GNB5: variants seen among roughly 807,000 people sequenced by gnomAD.
GNB5 encodes G protein subunit beta 5, also known as guanine nucleotide-binding protein subunit beta-5.
A neutral mutation model predicts 55.3 loss-of-function variants in GNB5; 37 were observed. That is an observed-to-expected ratio of 0.67 (90% CI 0.51 to 0.88). The LOEUF is 0.88. GNB5 is among the 40% of genes least tolerant of loss of function. The pLI is 0.00. For missense variants in GNB5, 476 were observed against 515.3 expected, an observed-to-expected ratio of 0.92 and a Z score of 0.74; for synonymous variants, 219 against 198.5, an observed-to-expected ratio of 1.10 and a Z score of -0.87.
intron 3 of GNB5, among the ~76,000 whole-genome samples, chr15:52,167,054 T>C (rs549944586): frequency 6.6e-6 from 1 of 152,296 alleles, no homozygotes; most frequent in African/African-American, 2.4e-5. Flanking sequence ...AATACCTCTA[T>C]GCACATAAAC....
At chr15:52,140,012 G>C in intron 7 of GNB5, 1 of 1,178,700 alleles carries the variant, frequency 8.5e-7, no homozygotes, top group Non-Finnish European at 1.1e-6. Context: ...ACCAGTCAGT[G>C]GCCACAGCGC....
chr15:52,130,332 A>G (rs1820304391), intron 9 of GNB5, among the ~76,000 whole-genome samples: 1 of 152,212 alleles, frequency 6.6e-6, no homozygotes, highest in African/African-American at 2.4e-5. Flanking sequence ...TCGCCCTGGA[A>G]GAAAATCAAA....
At chr15:52,181,798 G>C (rs1309235380) in intron 2 of GNB5, among the ~76,000 whole-genome samples, 1 of 152,110 alleles carries the variant, frequency 6.6e-6, no homozygotes, top group Non-Finnish European at 1.5e-5. Context: ...CATAGTACTT[G>C]CATATGGTAG....
chr15:52,129,341 C>G (rs142659484), intron 9 of GNB5, among the ~76,000 whole-genome samples: 94 of 152,266 alleles, frequency 6.2e-4, no homozygotes, highest in African/African-American at 2.1e-3. Context: ...ATTATTTATT[C>G]CTCCTACCAG....
chr15:52,139,513 A>G, intron 7 of GNB5: 1 of 164,300 alleles, frequency 6.1e-6, no homozygotes, highest in Non-Finnish European at 1.3e-5. Flanking sequence ...GATATTTACC[A>G]GGGACTACAC....
chr15:52,125,860 T>C, intron 11 of GNB5, 88 bp downstream of exon 11: 1 of 667,050 alleles, frequency 1.5e-6, no homozygotes, highest in Non-Finnish European at 2.7e-6. Context: ...GCTCAGTTGA[T>C]GAAAAGGAAC....
At chr15:52,152,662 A>G (rs1364889963) in intron 4 of GNB5, among the ~76,000 whole-genome samples, 2 of 131,908 alleles carry the variant, frequency 1.5e-5, no homozygotes, top group East Asian at 4.6e-4. Flanking sequence ...ACAGGGTCTC[A>G]CTGTGTTGCC....
chr15:52,135,536 A>G (rs748537853), intron 8 of GNB5, 77 bp downstream of exon 8: 1 of 1,300,678 alleles, frequency 7.7e-7, no homozygotes, highest in Non-Finnish European at 1.1e-6. Flanking sequence ...GGCTAATCCC[A>G]TGAATGGACA....
At chr15:52,123,430 A>C (rs1407819425) in intron 12 of GNB5, 2 of 151,990 alleles carry the variant, frequency 1.3e-5, no homozygotes, top group Non-Finnish European at 2.9e-5. Context: ...GACCAAAAAA[A>C]CCTCATGCAT....
chr15:52,142,945 A>T (rs184014015), intron 6 of GNB5, among the ~76,000 whole-genome samples: 5 of 152,284 alleles, frequency 3.3e-5, no homozygotes, highest in Admixed American at 3.3e-4. Flanking sequence ...ACCTGAGGTC[A>T]GGAGTTCAAG....
chr15:52,160,863 G>A (rs1489046862), intron 3 of GNB5, among the ~76,000 whole-genome samples: 1 of 152,152 alleles, frequency 6.6e-6, no homozygotes, highest in Admixed American at 6.5e-5. Context: ...TATAATCTCT[G>A]AATCTCCTAC....
Position 52,179,867 on chromosome 15 carries a change from C to A in GNB5, c.139G>T (p.Gly47Trp). The change falls in exon 3 of 13, where the codon GGG becomes TGG. Residue 47 changes from glycine to tryptophan, a missense_variant. Transcript: ENST00000261837. ...GCCAGCGTCTCGTTCTCGTGCAGCC[C>A]CTCGGTTGCCATCTTCGCGCGGGGA... ...STCAEIMATEGLHENETLASL... is the reference protein window; with the variant it reads ...STCAEIMATEWLHENETLASL... The A allele has an allele frequency of 1.3e-6, 2 of 1,545,896 alleles. No individual in the cohort carries two copies. Among genetic ancestry groups the A allele is most frequent in the Non-Finnish European group, 1.7e-6 (2 of 1,147,290 alleles).
intron 3 of GNB5, among the ~76,000 whole-genome samples, chr15:52,160,601 AT>A (rs138394895): frequency 0.034 from 5,236 of 152,334 alleles, 318 homozygotes; most frequent in African/African-American, 0.12. Flanking sequence ...GTAAATGCAT[AT>A]TCATTAAAAA....
At chr15:52,143,936 G>A (rs2033914849) in intron 6 of GNB5, 2 of 152,196 alleles carry the variant, frequency 1.3e-5, no homozygotes, top group South Asian at 4.2e-4. Flanking sequence ...GCCACATTTT[G>A]AAAAATGCCT....
In GNB5 at chr15:52,149,911, G is replaced by C; in HGVS notation, c.390C>G (p.Ile130Met). ...IVSSSQDGKVIVWDSFTTNKE... is the reference protein window; with the variant it reads ...IVSSSQDGKVMVWDSFTTNKE... Reference sequence around the variant, plus strand: ...TGTTTGTGGTGAAGGAATCCCACACGATCACCTTCCCATCCTGGAGGGAGA... The same window carrying C: ...TGTTTGTGGTGAAGGAATCCCACACCATCACCTTCCCATCCTGGAGGGAGA... Residue 130 changes from isoleucine to methionine, a missense_variant, in exon 5 of 13, where the codon ATC (isoleucine) becomes ATG (methionine). Physicochemically the swap from Ile to Met is conservative, Grantham distance 10. Coordinates refer to ENST00000261837, the MANE Select transcript of GNB5 (RefSeq NM_016194.4). 2 of 1,611,678 alleles carry C rather than the reference G, an allele frequency of 1.2e-6. No individual in the cohort carries two copies. The highest frequency in any genetic ancestry group is 1.1e-5 in the South Asian group (1 of 91,008).
At chr15:52,146,568 T>C (rs902904601) in intron 6 of GNB5, among the ~76,000 whole-genome samples, 2 of 152,072 alleles carry the variant, frequency 1.3e-5, no homozygotes, top group African/African-American at 4.8e-5. Context: ...TTTCCTTTTC[T>C]GCTTTATTTT....
intron 4 of GNB5, among the ~76,000 whole-genome samples, chr15:52,151,066 T>C (rs2034083115): frequency 6.6e-6 from 1 of 152,226 alleles, no homozygotes; most frequent in South Asian, 2.1e-4. Context: ...AGATGGACCC[T>C]GAAGCAAGGT....
At chr15:52,175,566 C>T (rs1215804569) in intron 3 of GNB5, among the ~76,000 whole-genome samples, 3 of 151,718 alleles carry the variant, frequency 2.0e-5, no homozygotes, top group Admixed American at 1.3e-4. Context: ...TGGTGAAACC[C>T]GGTCTCCACT....
intron 3 of GNB5, among the ~76,000 whole-genome samples, chr15:52,162,192 C>A (rs1398847282): frequency 6.6e-6 from 1 of 152,148 alleles, no homozygotes; most frequent in Non-Finnish European, 1.5e-5. Flanking sequence ...GGAGCCTGCA[C>A]CCTGCTCTGT....
Sources: gnomAD v4.1 joint callset for allele counts (sites outside exome capture counted in the v4.1 genomes callset) on GRCh38, gnomAD v4.1.1 for gene constraint, MANE v1.5 for transcripts, NCBI Gene and HGNC (gene_info 2026-07-23, HGNC 2026-07-21) for gene names.